Variants in LPCAT2 observed in about 807,000 individuals in gnomAD.
LPCAT2 encodes the protein 1-AGP acyltransferase 11.
In LPCAT2, 58 loss-of-function variants were observed where a neutral mutation model predicts 64.7. The ratio of observed to expected loss-of-function variants is 0.90; its 90% CI spans 0.73 to 1.12. The LOEUF is 1.12. Among genes scored for constraint, LPCAT2 ranks in the 50% most tolerant of loss-of-function variants. LPCAT2 has a pLI of 0.00. For synonymous variants in LPCAT2, 252 were observed against 245.3 expected (o/e 1.03, Z -0.26); for missense variants, 579 against 669.8 (o/e 0.86, Z 1.50).
In LPCAT2 at chr16:55,579,200, C is replaced by A; in HGVS notation, c.1406C>A (p.Ser469Tyr). 1 of 1,613,490 alleles carries A rather than the reference C, an allele frequency of 6.2e-7. No individual in the cohort carries two copies. Among genetic ancestry groups the A allele is most frequent in the Non-Finnish European group, 8.5e-7 (1 of 1,179,640 alleles). Reference sequence around the variant, plus strand: ...CTTGGAGTGCCTGACCTTGATGTTTCTGGTCTCTTCAAGGAAATAGCCCAA... The same window carrying A: ...CTTGGAGTGCCTGACCTTGATGTTTATGGTCTCTTCAAGGAAATAGCCCAA... ...ASLGVPDLDV[S>Y]GLFKEIAQGD... The change falls in exon 13 of 14, where the codon TCT (serine) becomes TAT (tyrosine). Residue 469 changes from serine to tyrosine, a missense_variant. Ser to Tyr is a moderately radical substitution (Grantham distance 144). Coordinates refer to ENST00000262134, the MANE Select transcript of LPCAT2 (RefSeq NM_017839.5).
At chr16:55,550,721 C>G (rs1482154077) in intron 10 of LPCAT2, among the ~76,000 whole-genome samples, 5 of 152,132 alleles carry the variant, frequency 3.3e-5, no homozygotes, top group African/African-American at 1.2e-4. Context: ...CGAGACCATC[C>G]TGGCCAACAT....
At chr16:55,520,340 A>T (rs1269466397) in intron 1 of LPCAT2, among the ~76,000 whole-genome samples, 1 of 152,142 alleles carries the variant, frequency 6.6e-6, no homozygotes, top group Non-Finnish European at 1.5e-5. Context: ...AGCAGCACTT[A>T]ATGTTTATGT....
intron 2 of LPCAT2, chr16:55,526,017 A>G (rs1436165416): frequency 1.3e-5 from 2 of 154,018 alleles, no homozygotes; most frequent in Non-Finnish European, 2.9e-5. Flanking sequence ...GAAGCTACAA[A>G]ATACCTTGCT....
At chr16:55,570,614 A>G in intron 11 of LPCAT2, among the ~76,000 whole-genome samples, 1 of 152,126 alleles carries the variant, frequency 6.6e-6, no homozygotes, top group East Asian at 1.9e-4. Flanking sequence ...ACAATTATTT[A>G]AAAAAATCTT....
chr16:55,547,880 G>A (rs1963471914), intron 9 of LPCAT2, among the ~76,000 whole-genome samples: 1 of 152,004 alleles, frequency 6.6e-6, no homozygotes, highest in African/African-American at 2.4e-5. Context: ...TGATTCTCCT[G>A]CCTCAGCCTC....
chr16:55,574,395 T>C (rs1437645201), intron 11 of LPCAT2, among the ~76,000 whole-genome samples: 1 of 152,166 alleles, frequency 6.6e-6, no homozygotes, highest in Non-Finnish European at 1.5e-5. Context: ...CATAGAGCCA[T>C]GATAAATGGC....
At position 55,525,630 on chromosome 16, in the gene LPCAT2, A is replaced by G. The variant is rs765834902; in HGVS notation, c.294A>G (p.Pro98=). 2 of 1,606,352 alleles carry G rather than the reference A, an allele frequency of 1.2e-6. No individual in the cohort carries two copies. Among genetic ancestry groups the G allele is most frequent in the Admixed American group, 1.7e-5 (1 of 58,812 alleles). ...GCTGTCCTGAAAAGCTGACCCACCC[A>G]ATAACTGGTTGGAGGAGGTAAGAAA... ...TVCCPEKLTH[P]ITGWRRKITQ... Residue 98 remains proline, a synonymous_variant, in exon 2 of 14, where the codon CCA becomes CCG. Coordinates refer to ENST00000262134, the MANE Select transcript of LPCAT2 (RefSeq NM_017839.5).
intron 11 of LPCAT2, among the ~76,000 whole-genome samples, chr16:55,570,511 T>G (rs1289963617): frequency 6.6e-6 from 1 of 152,096 alleles, no homozygotes; most frequent in South Asian, 2.1e-4. Flanking sequence ...GGCGCACACC[T>G]GTAGTCCCTG....
chr16:55,516,694 G>C (rs948545340), intron 1 of LPCAT2, among the ~76,000 whole-genome samples: 3 of 152,120 alleles, frequency 2.0e-5, no homozygotes, highest in Non-Finnish European at 4.4e-5. Context: ...AACAATGCTA[G>C]AGACTTCAAT....
intron 12 of LPCAT2, among the ~76,000 whole-genome samples, chr16:55,575,568 C>A (rs1963818359): frequency 6.6e-6 from 1 of 152,148 alleles, no homozygotes; most frequent in Admixed American, 6.5e-5. Context: ...AGCAAGAGAG[C>A]TGCAGACCTT....
chr16:55,553,744 A>G (rs1963544483), intron 11 of LPCAT2, among the ~76,000 whole-genome samples: 1 of 152,194 alleles, frequency 6.6e-6, no homozygotes, highest in African/African-American at 2.4e-5. Flanking sequence ...ACTTTGCCCA[A>G]ATCCACCAGA....
chr16:55,559,141 C>T (rs1353083758), intron 11 of LPCAT2, among the ~76,000 whole-genome samples: 1 of 152,160 alleles, frequency 6.6e-6, no homozygotes, highest in Non-Finnish European at 1.5e-5. Flanking sequence ...TTTTTACCAA[C>T]ACCATTATGT....
chr16:55,535,176 C>T (rs573219383), intron 7 of LPCAT2, among the ~76,000 whole-genome samples: 1 of 152,200 alleles, frequency 6.6e-6, no homozygotes, highest in African/African-American at 2.4e-5. Flanking sequence ...AATTTGAAGA[C>T]TTCCTTTAGG....
chr16:55,554,980 T>C (rs1963558320), intron 11 of LPCAT2, among the ~76,000 whole-genome samples: 1 of 152,184 alleles, frequency 6.6e-6, no homozygotes, highest in Admixed American at 6.5e-5. Context: ...GCAGAGTTTG[T>C]AGTGCTCCAA....
chr16:55,511,060 T>A (rs965994989), intron 1 of LPCAT2, among the ~76,000 whole-genome samples: 1 of 152,194 alleles, frequency 6.6e-6, no homozygotes. Flanking sequence ...TGTATGACTT[T>A]GGCCAAGTCA....
intron 8 of LPCAT2, among the ~76,000 whole-genome samples, chr16:55,543,397 A>G (rs1963418432): frequency 6.6e-6 from 1 of 152,186 alleles, no homozygotes; most frequent in Non-Finnish European, 1.5e-5. Flanking sequence ...GGTTTTCAGT[A>G]TGACCTTTTA....
Position 55,551,081 on chromosome 16 carries a change from A to C in LPCAT2, c.1194A>C (p.Gln398His), listed in dbSNP as rs768143949. The C allele has an allele frequency of 3.7e-6, 6 of 1,612,002 alleles. No individual in the cohort carries two copies. The South Asian group carries it at 5.5e-5, about 15-fold the overall frequency. The change falls in exon 11 of 14, where the codon CAA becomes CAC. Residue 398 changes from glutamine (Q) to histidine (H), a missense_variant. Physicochemically the swap from Gln to His is conservative, Grantham distance 24 (BLOSUM62 0). Transcript: ENST00000262134. ...TGCCTGTTTCAGATGTCTTGAGACA[A>C]CTTTTTGCACTCTTTGACAGGGTAT... is the stretch of plus-strand genomic sequence containing the variant. ...LKLPVSDVLR[Q>H]LFALFDRNHD...
chr16:55,510,586 G>A (rs1962917992), intron 1 of LPCAT2, among the ~76,000 whole-genome samples: 1 of 152,174 alleles, frequency 6.6e-6, no homozygotes, highest in South Asian at 2.1e-4. Flanking sequence ...AAGGTTAAGT[G>A]CAGAGCTAAA....
intron 1 of LPCAT2, among the ~76,000 whole-genome samples, chr16:55,514,494 CT>C (rs1329745386): frequency 6.6e-6 from 1 of 152,156 alleles, no homozygotes. Context: ...GAGACTTTAA[CT>C]TTAGTAGCCA....
Sources: gnomAD v4.1 joint callset for allele counts (sites outside exome capture counted in the v4.1 genomes callset) on GRCh38, gnomAD v4.1.1 for gene constraint, MANE v1.5 for transcripts, NCBI Gene and HGNC (gene_info 2026-07-23, HGNC 2026-07-21) for gene names.